The following WASF3 variants were observed in gnomAD, a reference collection of about 807,000 sequenced individuals.
WASF3 encodes WASP family member 3.
In WASF3, 11 loss-of-function variants were observed where a neutral mutation model predicts 46.6. The ratio of observed to expected loss-of-function variants is 0.24; its 90% CI spans 0.15 to 0.39. WASF3 has a LOEUF of 0.39. WASF3 is among the 10% of genes least tolerant of loss of function. WASF3 has a pLI of 1.00. For synonymous variants in WASF3, 242 were observed against 259.7 expected, an observed-to-expected ratio of 0.93 and a Z score of 0.65; for missense variants, 576 against 669.8, an observed-to-expected ratio of 0.86 and a Z score of 1.55.
intron 1 of WASF3, among the ~76,000 whole-genome samples, chr13:26,558,660 C>T (rs1179664050): frequency 3.9e-5 from 6 of 152,186 alleles, no homozygotes; most frequent in African/African-American, 1.4e-4. Context: ...TATTCAGAAA[C>T]TATGTGATGG....
intron 1 of WASF3, among the ~76,000 whole-genome samples, chr13:26,570,350 T>G (rs1879598978): frequency 6.6e-6 from 1 of 152,170 alleles, no homozygotes; most frequent in South Asian, 2.1e-4. Flanking sequence ...TTGATTTTCT[T>G]TTTAACATAA....
intron 2 of WASF3, among the ~76,000 whole-genome samples, chr13:26,622,231 T>G (rs1355147852): frequency 6.6e-6 from 1 of 152,244 alleles, no homozygotes; most frequent in Non-Finnish European, 1.5e-5. Context: ...TGTCAGGTTC[T>G]GCAAACTGGT....
chr13:26,557,486 G>C (rs1593362752), upstream of WASF3, among the ~76,000 whole-genome samples: 1 of 149,118 alleles, frequency 6.7e-6, no homozygotes, highest in Non-Finnish European at 1.5e-5. Context: ...GAGGACCAAG[G>C]GTGAGAGCCA....
chr13:26,568,577 C>G (rs923331018), intron 1 of WASF3, among the ~76,000 whole-genome samples: 2 of 152,096 alleles, frequency 1.3e-5, no homozygotes, highest in African/African-American at 4.8e-5. Flanking sequence ...ACCTGTTAAC[C>G]ACGTGAGCAA....
intron 2 of WASF3, among the ~76,000 whole-genome samples, chr13:26,628,945 A>G (rs907591203): frequency 3.9e-5 from 6 of 152,208 alleles, no homozygotes; most frequent in African/African-American, 1.4e-4. Context: ...GTTGTGGAGT[A>G]TGACCATCCT....
chr13:26,566,736 C>G (rs1408752170), intron 1 of WASF3, among the ~76,000 whole-genome samples: 2 of 152,198 alleles, frequency 1.3e-5, no homozygotes, highest in Non-Finnish European at 2.9e-5. Flanking sequence ...GCTTCTCATC[C>G]TACTAGCCGT....
chr13:26,563,213 T>G (rs76156796), intron 1 of WASF3, among the ~76,000 whole-genome samples: 239 of 152,134 alleles, frequency 1.6e-3, no homozygotes, highest in African/African-American at 5.6e-3. Context: ...TCCGCCTATC[T>G]TCATAGATGT....
In WASF3 at chr13:26,667,680, C is replaced by G; in HGVS notation, c.422+10C>G. On this transcript the variant is annotated intron_variant, in intron 5 of 9. Transcript: ENST00000335327. Reference sequence around the variant, plus strand: ...TCCTGACACCATACAGGTATAGCTTCATGAGTCCCAGAGCCTCTCCTTGAG... The same window carrying G: ...TCCTGACACCATACAGGTATAGCTTGATGAGTCCCAGAGCCTCTCCTTGAG... 1 of 1,611,918 alleles carries G rather than the reference C, an allele frequency of 6.2e-7. No homozygotes were observed. Among genetic ancestry groups the G allele is most frequent in the Admixed American group, 1.7e-5 (1 of 59,684 alleles).
intron 1 of WASF3, among the ~76,000 whole-genome samples, chr13:26,599,098 G>A (rs754539758): frequency 1.3e-5 from 2 of 151,564 alleles, no homozygotes; most frequent in Non-Finnish European, 2.9e-5. Context: ...CTGACCTCGG[G>A]TGATTCACCC....
At chr13:26,641,427 T>A (rs1319996024) in intron 2 of WASF3, 2 of 152,130 alleles carry the variant, frequency 1.3e-5, no homozygotes, top group Non-Finnish European at 2.9e-5. Context: ...TTTGTCTAGG[T>A]CCAGTTGCGT....
At chr13:26,620,858 T>C (rs1881283604) in intron 2 of WASF3, among the ~76,000 whole-genome samples, 1 of 152,208 alleles carries the variant, frequency 6.6e-6, no homozygotes, top group African/African-American at 2.4e-5. Flanking sequence ...TGTCCCAGAA[T>C]GTCCTCTAAA....
At chr13:26,578,986 A>G (rs1238758258) in intron 1 of WASF3, among the ~76,000 whole-genome samples, 2 of 78,876 alleles carry the variant, frequency 2.5e-5, no homozygotes, top group African/African-American at 5.3e-5. Context: ...TTCTTGGGAT[A>G]CATTTCCTTT....
intron 1 of WASF3, among the ~76,000 whole-genome samples, chr13:26,603,433 G>A (rs1880699834): frequency 6.6e-6 from 1 of 152,198 alleles, no homozygotes; most frequent in Non-Finnish European, 1.5e-5. Context: ...GTGCTCAGGA[G>A]GCAATAGGAA....
chr13:26,677,600 T>G (rs945590178), intron 7 of WASF3, among the ~76,000 whole-genome samples: 12 of 152,208 alleles, frequency 7.9e-5, no homozygotes, highest in African/African-American at 2.9e-4. Flanking sequence ...GTGCCTTCAA[T>G]GTTCCCACCC....
intron 3 of WASF3, 138 bp from the exon 4 acceptor site, chr13:26,664,886 GCCTT>G: frequency 1.3e-6 from 1 of 757,820 alleles, no homozygotes; most frequent in South Asian, 1.8e-5. Flanking sequence ...AGTTCTAAAG[GCCTT>G]GGACTGTGAC....
intron 1 of WASF3, among the ~76,000 whole-genome samples, chr13:26,580,833 C>T (rs147781092): frequency 0.018 from 2,802 of 151,758 alleles, 87 homozygotes; most frequent in African/African-American, 0.063. Context: ...CCATGTTGGT[C>T]AGGTTGGTCT....
rs534893085 is a variant in WASF3 at position 26,687,722 on chromosome 13, T to TC, written c.*1878dup. 6.0e-5 allele frequency: 4 copies of TC among 66,434 alleles called. No individual in the cohort carries two copies. The Admixed American group carries it at 6.7e-4, about 11-fold the overall frequency. The allele number at this position is 66,434 out of a possible 1,614,324, so 4.1% of individuals were successfully genotyped here. On this transcript the variant is annotated 3_prime_UTR_variant, in exon 10 of 10. Transcript: ENST00000335327. ...TAAATTTCTAATTTCTCTCTCTCTC[T>TC]CTTTTTTTTTTTTTTGTTGTTGTTA...
intron 1 of WASF3, among the ~76,000 whole-genome samples, chr13:26,602,867 T>C (rs934911338): frequency 2.6e-5 from 4 of 152,246 alleles, no homozygotes; most frequent in African/African-American, 7.2e-5. Context: ...CGTGCACTTA[T>C]GTCATGATTT....
At chr13:26,665,701 G>T (rs1009864188) in intron 4 of WASF3, among the ~76,000 whole-genome samples, 1 of 152,182 alleles carries the variant, frequency 6.6e-6, no homozygotes, top group South Asian at 2.1e-4. Flanking sequence ...GACAAGCATT[G>T]TATAGTTAAC....
Sources: allele counts gnomAD v4.1 joint callset (sites outside exome capture counted in the v4.1 genomes callset), GRCh38; gene constraint gnomAD v4.1.1; transcripts MANE v1.5; gene names NCBI Gene and HGNC (gene_info 2026-07-23, HGNC 2026-07-21).